The following ADAM19 variants were observed in gnomAD, a reference collection of about 807,000 sequenced individuals.
The protein encoded by ADAM19 is ADAM metallopeptidase domain 19.
A neutral mutation model predicts 114.7 loss-of-function variants in ADAM19; 65 were observed. That is an observed-to-expected ratio of 0.57 (90% CI 0.46 to 0.70). ADAM19 has a LOEUF of 0.70. ADAM19 is among the 30% of genes least tolerant of loss of function. The pLI is 0.00. For missense variants in ADAM19, 1,063 were observed against 1,204.7 expected, an observed-to-expected ratio of 0.88 and a Z score of 1.74; for synonymous variants, 466 against 460.5, an observed-to-expected ratio of 1.01 and a Z score of -0.15.
At chr5:157,563,928 A>G (rs1757582306) in intron 3 of ADAM19, among the ~76,000 whole-genome samples, 1 of 152,190 alleles carries the variant, frequency 6.6e-6, no homozygotes. Flanking sequence ...CTGAACCAGA[A>G]CACATGGAAC....
At chr5:157,574,754 G>A (rs1248069156) in intron 1 of ADAM19, among the ~76,000 whole-genome samples, 1 of 152,208 alleles carries the variant, frequency 6.6e-6, no homozygotes, top group Non-Finnish European at 1.5e-5. Context: ...AGCCGGGGAG[G>A]GGATTGGTGT....
In ADAM19 at chr5:157,479,804, T is replaced by C; in HGVS notation, c.*1145A>G. 1 of 985,540 alleles carries C rather than the reference T, an allele frequency of 1.0e-6. No individual in the cohort carries two copies. The highest frequency in any genetic ancestry group is 1.2e-6 in the Non-Finnish European group (1 of 830,006). The allele number at this position is 985,540 out of a possible 1,614,324, so 61.0% of individuals were successfully genotyped here. A position where few individuals can be genotyped will look rare whatever the true frequency, so the allele number is the denominator to read the frequency against. On this transcript the variant is annotated 3_prime_UTR_variant, in exon 23 of 23. Coordinates refer to ENST00000257527, the MANE Select transcript of ADAM19 (RefSeq NM_033274.5). ...CTGTTCTCTGCTCAGAGGGCAACGG[T>C]CCAGCCCGAAGTCAATGACCAGCCT...
chr5:157,523,918 A>C (rs1005460220), intron 5 of ADAM19, among the ~76,000 whole-genome samples: 1 of 152,178 alleles, frequency 6.6e-6, no homozygotes. Flanking sequence ...TTACAATTTG[A>C]GAGAAACAGA....
intron 4 of ADAM19, among the ~76,000 whole-genome samples, chr5:157,536,800 C>T (rs1035599829): frequency 2.6e-5 from 4 of 152,194 alleles, no homozygotes; most frequent in African/African-American, 4.8e-5. Flanking sequence ...ACTCAGGTTC[C>T]ATGAGAAGCT....
intron 8 of ADAM19, among the ~76,000 whole-genome samples, chr5:157,510,584 T>G (rs1755888720): frequency 6.6e-6 from 1 of 152,260 alleles, no homozygotes; most frequent in African/African-American, 2.4e-5. Context: ...ATTCTCACCC[T>G]CAGCCCAGGC....
chr5:157,531,421 C>T (rs555774631), intron 4 of ADAM19, among the ~76,000 whole-genome samples: 47 of 152,248 alleles, frequency 3.1e-4, no homozygotes, highest in Admixed American at 1.4e-3. Flanking sequence ...AATCCCAGCA[C>T]TTTGGGAGGC....
At chr5:157,513,714 C>T (rs1417327468) in intron 7 of ADAM19, among the ~76,000 whole-genome samples, 8 of 152,202 alleles carry the variant, frequency 5.3e-5, no homozygotes, top group South Asian at 2.1e-4. Flanking sequence ...ACTAGCTCAG[C>T]GCAGCACACA....
chr5:157,539,837 C>T (rs1756869312), intron 3 of ADAM19, among the ~76,000 whole-genome samples: 2 of 152,216 alleles, frequency 1.3e-5, no homozygotes, highest in Admixed American at 1.3e-4. Context: ...GTTTTGCTCA[C>T]TGGTTTATGT....
intron 5 of ADAM19, among the ~76,000 whole-genome samples, chr5:157,522,104 C>T (rs899495309): frequency 6.6e-6 from 1 of 152,212 alleles, no homozygotes; most frequent in Admixed American, 6.5e-5. Context: ...CTCATAGTGG[C>T]TGCAGATTAT....
chr5:157,500,011 T>A (rs1755508283), intron 12 of ADAM19, among the ~76,000 whole-genome samples: 1 of 151,912 alleles, frequency 6.6e-6, no homozygotes, highest in Admixed American at 6.6e-5. Flanking sequence ...ACTTCTGACC[T>A]CAAGTGATCC....
At chr5:157,536,188 G>A (rs533571468) in intron 4 of ADAM19, among the ~76,000 whole-genome samples, 6 of 152,260 alleles carry the variant, frequency 3.9e-5, no homozygotes, top group South Asian at 2.1e-4. Flanking sequence ...GTTACTATGC[G>A]CCACGTCTCT....
chr5:157,508,531 C>T (rs1056479532), intron 9 of ADAM19, among the ~76,000 whole-genome samples: 9 of 150,836 alleles, frequency 6.0e-5, no homozygotes, highest in Non-Finnish European at 1.0e-4. Context: ...GCCCAGGAGG[C>T]AGAGGTTGCA....
At chr5:157,483,038 C>A (rs1171862072) in intron 21 of ADAM19, among the ~76,000 whole-genome samples, 1 of 151,406 alleles carries the variant, frequency 6.6e-6, no homozygotes, top group Non-Finnish European at 1.5e-5. Flanking sequence ...GGGAGGGGAA[C>A]ATTACATACT....
intron 9 of ADAM19, among the ~76,000 whole-genome samples, chr5:157,508,499 C>G (rs565499667): frequency 3.0e-4 from 46 of 151,928 alleles, no homozygotes; most frequent in African/African-American, 1.0e-3. Flanking sequence ...ACTTGGGAGG[C>G]TGAGGCACTA....
intron 12 of ADAM19, among the ~76,000 whole-genome samples, chr5:157,500,805 C>T (rs967167465): frequency 2.0e-5 from 3 of 152,162 alleles, no homozygotes; most frequent in African/African-American, 4.8e-5. Flanking sequence ...TGACCCTGAG[C>T]GTCCTCATCA....
chr5:157,571,118 G>C, intron 1 of ADAM19, 138 bp from the exon 2 acceptor site: 1 of 654,862 alleles, frequency 1.5e-6, no homozygotes, highest in Non-Finnish European at 2.7e-6. Context: ...GCACTTCCTA[G>C]GAACTAGGCA....
intron 2 of ADAM19, chr5:157,568,364 T>C (rs898475864): frequency 6.6e-6 from 1 of 151,290 alleles, no homozygotes; most frequent in African/African-American, 2.5e-5. Context: ...TAAAAAAGGA[T>C]GTTCCCTTTT....
intron 3 of ADAM19, among the ~76,000 whole-genome samples, chr5:157,547,226 C>T (rs1276592638): frequency 6.6e-6 from 1 of 152,152 alleles, no homozygotes; most frequent in Admixed American, 6.5e-5. Flanking sequence ...AATGAGAAAC[C>T]TAAAGATCCA....
chr5:157,559,758 T>C (rs1432916003), intron 3 of ADAM19, among the ~76,000 whole-genome samples: 1 of 152,222 alleles, frequency 6.6e-6, no homozygotes. Flanking sequence ...AGTCTATAAT[T>C]TCTGCTCTGT....
Sources: allele counts gnomAD v4.1 joint callset (sites outside exome capture counted in the v4.1 genomes callset), GRCh38; gene constraint gnomAD v4.1.1; transcripts MANE v1.5; gene names NCBI Gene and HGNC (gene_info 2026-07-23, HGNC 2026-07-21).